The following GRM7 variants were observed in gnomAD, a reference collection of about 807,000 sequenced individuals.
GRM7 encodes glutamate metabotropic receptor 7.
In GRM7, 35 loss-of-function variants were observed where a neutral mutation model predicts 84.5. The ratio of observed to expected loss-of-function variants is 0.41; its 90% CI spans 0.32 to 0.55. The LOEUF (loss-of-function observed/expected upper bound fraction) is 0.55, where lower values mean the gene tolerates loss of function less well. Ranked by LOEUF, GRM7 falls within the 20% of genes least tolerant of loss-of-function variation. GRM7 has a pLI of 0.19. For synonymous variants in GRM7, 487 were observed against 455.1 expected (o/e 1.07, Z -0.89); for missense variants, 1,003 against 1,194.6 (o/e 0.84, Z 2.36).
chr3:7,389,790 T>A (rs1220460378), intron 4 of GRM7, among the ~76,000 whole-genome samples: 4 of 152,144 alleles, frequency 2.6e-5, no homozygotes, highest in African/African-American at 4.8e-5. Context: ...TCTTGTTTTT[T>A]TTTTAATCCA....
At chr3:7,149,153 T>C (rs187860983) in intron 2 of GRM7, among the ~76,000 whole-genome samples, 1 of 152,320 alleles carries the variant, frequency 6.6e-6, no homozygotes, top group East Asian at 1.9e-4. Context: ...CATGAACTTA[T>C]GTGATTAGCA....
Position 7,550,248 on chromosome 3 carries a change from T to TCTC in GRM7, c.1516-28161_1516-28159dup, listed in dbSNP as rs1334206944. On this transcript the variant is annotated intron_variant, in intron 7 of 9. Coordinates refer to ENST00000357716, the MANE Select transcript of GRM7 (RefSeq NM_000844.4). ...TCCAAACTCATTTCTAGCCACTTTC[T>TCTC]CTCCTCCTCCTCCTCTCCCAACCCC... Among the ~76,000 whole-genome samples the TCTC allele has an allele frequency of 1.9e-3, 290 of 149,670 alleles. 5 individuals are homozygous for TCTC. The highest frequency in any genetic ancestry group is 1.0e-3 in the Non-Finnish European group (70 of 67,520).
At chr3:7,020,489 A>G (rs968284214) in intron 1 of GRM7, among the ~76,000 whole-genome samples, 2 of 152,224 alleles carry the variant, frequency 1.3e-5, no homozygotes, top group Non-Finnish European at 2.9e-5. Flanking sequence ...TTCATCAAAC[A>G]TTGGGCTTCA....
At chr3:7,611,797 A>C (rs562304820) in intron 8 of GRM7, among the ~76,000 whole-genome samples, 7 of 152,128 alleles carry the variant, frequency 4.6e-5, no homozygotes, top group Non-Finnish European at 7.4e-5. Context: ...ATGCCCATTA[A>C]AGGTAGAAAT....
chr3:7,149,610 G>A (rs1694216163), intron 2 of GRM7, among the ~76,000 whole-genome samples: 1 of 152,054 alleles, frequency 6.6e-6, no homozygotes. Context: ...AGGCGATATG[G>A]CACAAAAATA....
rs561198830 is a variant in GRM7, at chr3:7,635,935, A to C, written c.2452-44114A>C. Among the ~76,000 whole-genome samples the C allele has an allele frequency of 2.6e-5, 4 of 152,258 alleles. No homozygotes were observed. In the South Asian group the frequency reaches 8.3e-4, roughly 32 times the overall value. On this transcript the variant is annotated intron_variant, in intron 8 of 9. Coordinates refer to ENST00000357716, the MANE Select transcript of GRM7 (RefSeq NM_000844.4). The stretch of plus-strand genomic sequence containing the variant: ...AAGCGATCCTCCTGCCTCAGCCTCC[A>C]AAAGAACTGAGATTACAGGTGTGCG...
At chr3:7,621,477 A>C (rs1697349530) in intron 8 of GRM7, among the ~76,000 whole-genome samples, 2 of 152,100 alleles carry the variant, frequency 1.3e-5, no homozygotes, top group Admixed American at 1.3e-4. Context: ...CATCTACCGG[A>C]ATGCACCTGT....
At chr3:7,528,946 C>T (rs1301960992) in intron 7 of GRM7, among the ~76,000 whole-genome samples, 1 of 151,936 alleles carries the variant, frequency 6.6e-6, no homozygotes, top group Non-Finnish European at 1.5e-5. Flanking sequence ...CATGGTCAAT[C>T]TTAGAGTATG....
chr3:6,996,921 C>A (rs1694846589), intron 1 of GRM7, among the ~76,000 whole-genome samples: 1 of 152,172 alleles, frequency 6.6e-6, no homozygotes, highest in Non-Finnish European at 1.5e-5. Flanking sequence ...GGAAAAACAT[C>A]CATGCAATTC....
intron 4 of GRM7, among the ~76,000 whole-genome samples, chr3:7,365,564 T>G (rs1254776241): frequency 6.6e-6 from 1 of 150,622 alleles, no homozygotes; most frequent in East Asian, 2.0e-4. Flanking sequence ...ATATTTGTCA[T>G]TTCAATAATC....
rs200971436 is a variant in GRM7, at chr3:7,345,274, CTT to C, written c.1033+38635_1033+38636del. On this transcript the variant is annotated intron_variant, in intron 4 of 9. Coordinates refer to ENST00000357716, the MANE Select transcript of GRM7 (RefSeq NM_000844.4). ...CTGTCTCATATCTTAACAATTATTC[CTT>C]TTTTTTTTTTTTCTTTGAGACAGAG... Among the ~76,000 whole-genome samples the C allele has an allele frequency of 2.8e-4, 40 of 141,864 alleles. 1 individual carries two copies. Among genetic ancestry groups the C allele is most frequent in the African/African-American group, 9.2e-4 (36 of 38,980 alleles). The allele number at this position is 141,864 out of a possible 152,430, so 93.1% of individuals were successfully genotyped here. A position where few individuals can be genotyped will look rare whatever the true frequency, so the allele number is the denominator to read the frequency against.
At chr3:7,411,403 CAGA>C (rs1434293723) in intron 4 of GRM7, among the ~76,000 whole-genome samples, 1 of 152,148 alleles carries the variant, frequency 6.6e-6, no homozygotes, top group Non-Finnish European at 1.5e-5. Flanking sequence ...AGAATACTAG[CAGA>C]AGGATAGATG....
chr3:7,022,215 T>A (rs1376812600), intron 1 of GRM7, among the ~76,000 whole-genome samples: 1 of 151,708 alleles, frequency 6.6e-6, no homozygotes, highest in Non-Finnish European at 1.5e-5. Flanking sequence ...TAGTCCCAGC[T>A]ACTCAGGAGC....
Position 7,177,781 on chromosome 3 carries a change from G to A in GRM7, c.736+31113G>A, listed in dbSNP as rs1017614810. Among the ~76,000 whole-genome samples the A allele has an allele frequency of 3.3e-5, 5 of 152,222 alleles. No individual in the cohort carries two copies. The South Asian group carries it at 6.2e-4, about 19-fold the overall frequency. On this transcript the variant is annotated intron_variant, in intron 2 of 9. Coordinates refer to ENST00000357716, the MANE Select transcript of GRM7 (RefSeq NM_000844.4). ...CTTTCTTAATGTATGTGCTTAGGAC[G>A]AAGAGCAACACTTTCTTATCATTAC...
chr3:7,077,740 TATAA>T (rs1035455111), intron 1 of GRM7, among the ~76,000 whole-genome samples: 1 of 151,990 alleles, frequency 6.6e-6, no homozygotes, highest in African/African-American at 2.4e-5. Flanking sequence ...ATAAAGATTT[TATAA>T]ATAAAAAAAG....
At chr3:7,555,025 C>T (rs1361193349) in intron 7 of GRM7, among the ~76,000 whole-genome samples, 1 of 152,312 alleles carries the variant, frequency 6.6e-6, no homozygotes, top group African/African-American at 2.4e-5. Flanking sequence ...ATACTGAAGT[C>T]AGACAGCCAG....
intron 2 of GRM7, among the ~76,000 whole-genome samples, chr3:7,238,937 T>C (rs1697446033): frequency 6.6e-6 from 1 of 150,976 alleles, no homozygotes; most frequent in Non-Finnish European, 1.5e-5. Context: ...TTACTTTTTG[T>C]TTTTCTCTTT....
chr3:6,972,233 G>A (rs1415646350), intron 1 of GRM7, among the ~76,000 whole-genome samples: 1 of 152,102 alleles, frequency 6.6e-6, no homozygotes, highest in Non-Finnish European at 1.5e-5. Flanking sequence ...TTGAAATGCA[G>A]GGCAGGAAGG....
rs78456778 is a variant in GRM7, at chr3:7,239,943, G to A, written c.737-58741G>A. Among the ~76,000 whole-genome samples the A allele has an allele frequency of 4.9e-4, 74 of 152,118 alleles. No individual in the cohort carries two copies. The East Asian group carries it at 0.013, about 27-fold the overall frequency. On this transcript the variant is annotated intron_variant, in intron 2 of 9. Coordinates refer to ENST00000357716, the MANE Select transcript of GRM7 (RefSeq NM_000844.4). ...TATTTTTAATTACTTTTGGCTGCTA[G>A]CATTCCTCTGCATTTTAAAAAGCAT...
Sources: gnomAD v4.1 joint callset for allele counts (sites outside exome capture counted in the v4.1 genomes callset) on GRCh38, gnomAD v4.1.1 for gene constraint, MANE v1.5 for transcripts, NCBI Gene and HGNC (gene_info 2026-07-23, HGNC 2026-07-21) for gene names.